The following ZYG11B variants were observed in gnomAD, a reference collection of about 807,000 sequenced individuals.
The protein encoded by ZYG11B is protein zyg-11 homolog B.
Under a neutral mutation model 82.4 loss-of-function variants are expected in ZYG11B, and 36 were observed. The observed-to-expected ratio is 0.44, with a 90% CI of 0.33 to 0.58. ZYG11B has a LOEUF of 0.58. Among genes scored for constraint, ZYG11B ranks in the 20% least tolerant of loss-of-function variants. ZYG11B has a pLI of 0.02. For missense variants in ZYG11B, 552 were observed against 895.6 expected, an observed-to-expected ratio of 0.62 and a Z score of 4.90; for synonymous variants, 303 against 312.8, an observed-to-expected ratio of 0.97 and a Z score of 0.33.
At chr1:52,747,300 C>G (rs1468836924) in intron 1 of ZYG11B, among the ~76,000 whole-genome samples, 6 of 106,744 alleles carry the variant, frequency 5.6e-5, no homozygotes, top group Admixed American at 1.0e-4. Context: ...ATATTTTTCA[C>G]TTTTGATTTT....
chr1:52,784,541 G>A (rs2065477), intron 4 of ZYG11B, among the ~76,000 whole-genome samples: 60,648 of 152,098 alleles, frequency 0.4, 15,116 homozygotes, highest in Non-Finnish European at 0.57. Context: ...TGAGAGTGGA[G>A]TGTGCTCTAT....
At chr1:52,780,063 T>G (rs1414961667) in intron 4 of ZYG11B, 70 bp downstream of exon 4, 1 of 1,497,620 alleles carries the variant, frequency 6.7e-7, no homozygotes, top group African/African-American at 1.4e-5. Context: ...TTGAAGAAAA[T>G]TGGTGAAAAT....
chr1:52,745,791 C>T (rs1437432064), intron 1 of ZYG11B, among the ~76,000 whole-genome samples: 2 of 151,282 alleles, frequency 1.3e-5, no homozygotes, highest in African/African-American at 4.9e-5. Flanking sequence ...CTTGAACTCC[C>T]GACCTCAAGC....
chr1:52,802,023 T>C, intron 9 of ZYG11B, 43 bp downstream of exon 9: 1 of 1,582,040 alleles, frequency 6.3e-7, no homozygotes, highest in Non-Finnish European at 8.6e-7. Flanking sequence ...ATTTATTAAT[T>C]TATTTACTTT....
intron 4 of ZYG11B, among the ~76,000 whole-genome samples, chr1:52,780,912 G>A (rs1330392959): frequency 1.3e-5 from 2 of 152,084 alleles, no homozygotes; most frequent in African/African-American, 2.4e-5. Flanking sequence ...GGAGGCTGAG[G>A]CAGGTGGGTC....
intron 3 of ZYG11B, among the ~76,000 whole-genome samples, chr1:52,772,803 G>A (rs947321041): frequency 6.6e-6 from 1 of 151,638 alleles, no homozygotes; most frequent in African/African-American, 2.4e-5. Flanking sequence ...TCAGTCCCCT[G>A]AGTAACTGGG....
At chr1:52,774,189 G>T (rs1446105546) in intron 3 of ZYG11B, among the ~76,000 whole-genome samples, 1 of 151,808 alleles carries the variant, frequency 6.6e-6, no homozygotes, top group Non-Finnish European at 1.5e-5. Flanking sequence ...ACCCAGGCTG[G>T]AGTACAGTGG....
intron 1 of ZYG11B, among the ~76,000 whole-genome samples, chr1:52,738,502 C>G (rs1320121213): frequency 6.6e-6 from 1 of 151,656 alleles, no homozygotes; most frequent in South Asian, 2.1e-4. Context: ...ATATAAAGAT[C>G]TTTTGTTTTT....
At chr1:52,746,353 C>A (rs1644476237) in intron 1 of ZYG11B, among the ~76,000 whole-genome samples, 1 of 152,126 alleles carries the variant, frequency 6.6e-6, no homozygotes, top group African/African-American at 2.4e-5. Context: ...TTTGAAATAA[C>A]TCAGTCTTTA....
At chr1:52,742,903 C>T (rs1323109111) in intron 1 of ZYG11B, among the ~76,000 whole-genome samples, 1 of 151,102 alleles carries the variant, frequency 6.6e-6, no homozygotes, top group Admixed American at 6.6e-5. Context: ...GGGCAGCCCC[C>T]GCCCGGCCAG....
chr1:52,818,290 T>A (rs1645252383), intron 13 of ZYG11B, among the ~76,000 whole-genome samples: 1 of 151,868 alleles, frequency 6.6e-6, no homozygotes, highest in Admixed American at 6.6e-5. Context: ...CTGGGCAACA[T>A]GGCGAAACCT....
intron 3 of ZYG11B, among the ~76,000 whole-genome samples, chr1:52,775,043 CT>C (rs71579946): frequency 2.1e-3 from 298 of 144,938 alleles, no homozygotes; most frequent in Non-Finnish European, 2.6e-3. Context: ...CTTGAGATAC[CT>C]TTTTTTTTTT....
chr1:52,757,479 C>A (rs1367224594), intron 2 of ZYG11B, among the ~76,000 whole-genome samples: 1 of 151,878 alleles, frequency 6.6e-6, no homozygotes, highest in Non-Finnish European at 1.5e-5. Flanking sequence ...AGTTCGAGAC[C>A]AGCCTGGCCA....
chr1:52,798,072 G>A lies in ZYG11B; in HGVS notation c.1485+1288G>A, dbSNP rs12043506. On this transcript the variant is annotated intron_variant, in intron 8 of 13. Coordinates refer to ENST00000294353, the MANE Select transcript of ZYG11B (RefSeq NM_024646.3). The stretch of plus-strand genomic sequence containing the variant: ...CAGGAGGTCAAGTCTGCAGTGAGCC[G>A]TGATCATGTCACTGCACTCCAGCCT... Among the ~76,000 whole-genome samples the A allele has an allele frequency of 4.8e-4, 72 of 151,438 alleles. No homozygotes were observed. The East Asian group carries it at 0.014, about 30-fold the overall frequency.
intron 5 of ZYG11B, among the ~76,000 whole-genome samples, chr1:52,785,808 C>T (rs1004160070): frequency 2.6e-5 from 4 of 152,090 alleles, no homozygotes; most frequent in South Asian, 2.1e-4. Flanking sequence ...GTAAAAAATA[C>T]TCAGAGGCTC....
At chr1:52,776,788 G>A (rs1338129241) in intron 3 of ZYG11B, among the ~76,000 whole-genome samples, 1 of 151,938 alleles carries the variant, frequency 6.6e-6, no homozygotes, top group Non-Finnish European at 1.5e-5. Context: ...AGTTCTGGGT[G>A]ATTCAATGAA....
chr1:52,727,141 C>G (rs1039406030), intron 1 of ZYG11B, among the ~76,000 whole-genome samples: 2 of 152,040 alleles, frequency 1.3e-5, no homozygotes, highest in African/African-American at 4.8e-5. Context: ...TCTCCGTGTT[C>G]CTTCTCCCCT....
intron 1 of ZYG11B, 59 bp downstream of exon 1, chr1:52,726,742 G>T (rs1317652911): frequency 7.1e-7 from 1 of 1,417,326 alleles, no homozygotes; most frequent in Non-Finnish European, 9.2e-7. Flanking sequence ...CCCGCCCGTC[G>T]CGCTGGCCCC....
rs1645021886 is a variant in ZYG11B, at chr1:52,797,097, ACATATTGTATATATTTATATATTATATAT to A, written c.1485+314_1485+342del. 4.1e-5 allele frequency among the ~76,000 whole-genome samples: 3 copies of A among 73,216 alleles called. No homozygotes were observed. In the South Asian group the frequency reaches 1.1e-3, roughly 27 times the overall value. The allele number at this position is 73,216 out of a possible 152,430, so 48.0% of individuals were successfully genotyped here. A position where few individuals can be genotyped will look rare whatever the true frequency, so the allele number is the denominator to read the frequency against. ...TATATATTGTATATATTTATATATT[ACATATTGTATATATTTATATATTATATAT>A]TATATATTTATATATTATATATTAT... On this transcript the variant is annotated intron_variant, in intron 8 of 13. Transcript: ENST00000294353.
Sources: gnomAD v4.1 joint callset for allele counts (sites outside exome capture counted in the v4.1 genomes callset) on GRCh38, gnomAD v4.1.1 for gene constraint, MANE v1.5 for transcripts, NCBI Gene and HGNC (gene_info 2026-07-23, HGNC 2026-07-21) for gene names.